PDGFD: variants seen among roughly 807,000 people sequenced by gnomAD.
PDGFD encodes platelet-derived growth factor D.
In PDGFD, 30 loss-of-function variants were observed where a neutral mutation model predicts 44.7. The observed-to-expected ratio is 0.67, with a 90% CI of 0.50 to 0.91. The LOEUF (loss-of-function observed/expected upper bound fraction) is 0.91, where lower values mean the gene tolerates loss of function less well. Among genes scored for constraint, PDGFD ranks in the 40% least tolerant of loss-of-function variants. PDGFD has a pLI of 0.00. For synonymous variants in PDGFD, 173 were observed against 168.4 expected, an observed-to-expected ratio of 1.03 and a Z score of -0.21; for missense variants, 445 against 457.8, an observed-to-expected ratio of 0.97 and a Z score of 0.25.
intron 1 of PDGFD, among the ~76,000 whole-genome samples, chr11:104,011,854 T>C (rs1859791493): frequency 1.3e-5 from 2 of 152,038 alleles, no homozygotes; most frequent in African/African-American, 4.8e-5. Flanking sequence ...CCATATTCTC[T>C]GGTAAAAAAA....
chr11:103,998,534 A>G (rs538333409), intron 2 of PDGFD, among the ~76,000 whole-genome samples: 2 of 152,332 alleles, frequency 1.3e-5, no homozygotes, highest in East Asian at 1.9e-4. Flanking sequence ...CATCTTGCCT[A>G]TGTATCTCTT....
chr11:104,045,403 A>C (rs1860424637), intron 1 of PDGFD, among the ~76,000 whole-genome samples: 2 of 152,152 alleles, frequency 1.3e-5, no homozygotes, highest in Admixed American at 6.5e-5. Flanking sequence ...TTTTTCAAGA[A>C]GATTCATACT....
At chr11:103,911,312 A>G (rs917244347) in intron 6 of PDGFD, among the ~76,000 whole-genome samples, 1 of 152,156 alleles carries the variant, frequency 6.6e-6, no homozygotes, top group Admixed American at 6.5e-5. Context: ...TTAGGGGCCA[A>G]TAGACATTTC....
intron 1 of PDGFD, among the ~76,000 whole-genome samples, chr11:104,050,950 T>C (rs1860525498): frequency 6.6e-6 from 1 of 152,208 alleles, no homozygotes; most frequent in South Asian, 2.1e-4. Context: ...TCTTGCCTCC[T>C]AGACTGATTA....
At chr11:104,004,866 T>C (rs1182042497) in intron 1 of PDGFD, among the ~76,000 whole-genome samples, 1 of 138,312 alleles carries the variant, frequency 7.2e-6, no homozygotes, top group Non-Finnish European at 1.5e-5. Context: ...TAGGTATTAT[T>C]ACCACCTTTT....
At chr11:104,124,229 A>C (rs1032546334) in intron 1 of PDGFD, among the ~76,000 whole-genome samples, 1 of 152,106 alleles carries the variant, frequency 6.6e-6, no homozygotes, top group Non-Finnish European at 1.5e-5. Context: ...AAATTTACCA[A>C]GCCAGATAAG....
intron 1 of PDGFD, among the ~76,000 whole-genome samples, chr11:104,096,344 A>G (rs1393139218): frequency 1.3e-5 from 2 of 152,190 alleles, no homozygotes; most frequent in African/African-American, 2.4e-5. Context: ...TGGAAAAAAA[A>G]CAGCAAATAG....
At chr11:104,093,820 T>A (rs1324813960) in intron 1 of PDGFD, among the ~76,000 whole-genome samples, 1 of 150,666 alleles carries the variant, frequency 6.6e-6, no homozygotes, top group African/African-American at 2.4e-5. Flanking sequence ...ATCCCACTCT[T>A]TGGCTTTGCA....
At chr11:104,100,775 G>A (rs571544643) in intron 1 of PDGFD, among the ~76,000 whole-genome samples, 1 of 152,248 alleles carries the variant, frequency 6.6e-6, no homozygotes, top group South Asian at 2.1e-4. Flanking sequence ...CTTCATCCCT[G>A]GGATGCAAGA....
intron 1 of PDGFD, chr11:104,037,112 G>A (rs757644414): frequency 6.2e-7 from 1 of 1,614,144 alleles, no homozygotes; most frequent in Non-Finnish European, 8.5e-7. Flanking sequence ...GTAGACTTCA[G>A]TGGCATTGCG....
intron 6 of PDGFD, among the ~76,000 whole-genome samples, chr11:103,920,494 G>A (rs55838431): frequency 0.069 from 10,433 of 152,282 alleles, 468 homozygotes; most frequent in Non-Finnish European, 0.097. Flanking sequence ...GTCTGCTTGG[G>A]GAGTACCTTG....
In PDGFD at chr11:103,909,529, C is replaced by T; in HGVS notation, c.*165G>A. 1 of 777,044 alleles carries T rather than the reference C, an allele frequency of 1.3e-6. No homozygotes were observed. 48.1% of individuals were successfully genotyped at this position (777,044 alleles called of 1,614,324 possible). Reference sequence around the variant, plus strand: ...TAGAAGTTGATGATATACCTTTCTACTTGCCATGGCATTAACAAAGCAAGG... The same window carrying T: ...TAGAAGTTGATGATATACCTTTCTATTTGCCATGGCATTAACAAAGCAAGG... On this transcript the variant is annotated 3_prime_UTR_variant, in exon 7 of 7. Transcript: ENST00000393158.
At chr11:104,162,931 TTGC>T (rs1268173904) in intron 1 of PDGFD, among the ~76,000 whole-genome samples, 3 of 152,092 alleles carry the variant, frequency 2.0e-5, no homozygotes, top group Admixed American at 1.3e-4. Flanking sequence ...CAGCTAAAAT[TTGC>T]TGGGAACATC....
At chr11:104,115,889 T>G (rs1038146293) in intron 1 of PDGFD, among the ~76,000 whole-genome samples, 3 of 151,748 alleles carry the variant, frequency 2.0e-5, no homozygotes, top group South Asian at 2.1e-4. Context: ...GGATTGTTGG[T>G]TTTTTTTCTT....
At chr11:103,950,523 A>G (rs1404557633) in intron 3 of PDGFD, among the ~76,000 whole-genome samples, 1 of 151,974 alleles carries the variant, frequency 6.6e-6, no homozygotes, top group Non-Finnish European at 1.5e-5. Flanking sequence ...AGATTGCACC[A>G]TTGCACTCCA....
chr11:104,040,224 T>G (rs545076991), intron 1 of PDGFD, among the ~76,000 whole-genome samples: 2 of 152,104 alleles, frequency 1.3e-5, no homozygotes, highest in Non-Finnish European at 2.9e-5. Flanking sequence ...CTGTTCCTCA[T>G]AGGACAAATT....
chr11:103,913,362 C>T (rs1046220417), intron 6 of PDGFD, among the ~76,000 whole-genome samples: 4 of 152,152 alleles, frequency 2.6e-5, no homozygotes, highest in Admixed American at 6.5e-5. Context: ...CAAAATCACA[C>T]AACTACATGG....
At chr11:104,090,492 G>C (rs943034304) in intron 1 of PDGFD, among the ~76,000 whole-genome samples, 1 of 151,460 alleles carries the variant, frequency 6.6e-6, no homozygotes, top group Non-Finnish European at 1.5e-5. Flanking sequence ...AGCCAGGTGC[G>C]GTGGTGGGTG....
At chr11:104,108,712 A>C (rs1861504163) in intron 1 of PDGFD, among the ~76,000 whole-genome samples, 1 of 152,330 alleles carries the variant, frequency 6.6e-6, no homozygotes, top group African/African-American at 2.4e-5. Context: ...TATATACCCA[A>C]AGGATTATAA....
Sources: allele counts gnomAD v4.1 joint callset (sites outside exome capture counted in the v4.1 genomes callset), GRCh38; gene constraint gnomAD v4.1.1; transcripts MANE v1.5; gene names NCBI Gene and HGNC (gene_info 2026-07-23, HGNC 2026-07-21).